PCNX2: variants seen among roughly 807,000 people sequenced by gnomAD.
PCNX2 encodes pecanex 2, also known as pecanex-like protein 2.
Under a neutral mutation model 223.8 loss-of-function variants are expected in PCNX2, and 168 were observed. That is an observed-to-expected ratio of 0.75 (90% confidence interval 0.66 to 0.85). PCNX2 has a LOEUF of 0.85. PCNX2 is among the 40% of genes least tolerant of loss of function. The probability of loss-of-function intolerance (pLI) is 0.00; values close to 1 mark genes in which losing one functional copy is unlikely to be tolerated. For synonymous variants in PCNX2, 1,006 were observed against 1,052.6 expected (o/e 0.96, Z 0.86); for missense variants, 2,507 against 2,675.5 (o/e 0.94, Z 1.39).
At chr1:233,079,801 G>A (rs1204245678) in intron 23 of PCNX2, among the ~76,000 whole-genome samples, 1 of 152,098 alleles carries the variant, frequency 6.6e-6, no homozygotes, top group African/African-American at 2.4e-5. Flanking sequence ...TTGCTTTGTG[G>A]TGCTAAAGGA....
At chr1:233,120,164 C>CAAAAAAAAAAAAAAAAAAAAAA (rs1228898502) in intron 21 of PCNX2, among the ~76,000 whole-genome samples, 4 of 42,656 alleles carry the variant, frequency 9.4e-5, no homozygotes, top group East Asian at 7.3e-4. Context: ...GACTCCATTT[C>CAAAAAAAAAAAAAAAAAAAAAA]AAAAAAAAAA....
intron 1 of PCNX2, chr1:233,292,071 A>T: frequency 1.1e-6 from 1 of 925,892 alleles, no homozygotes; most frequent in Non-Finnish European, 1.3e-6. Flanking sequence ...TATCACCCAG[A>T]TCTAAGTACA....
intron 15 of PCNX2, among the ~76,000 whole-genome samples, chr1:233,184,838 C>T (rs1399655399): frequency 6.6e-6 from 1 of 151,968 alleles, no homozygotes; most frequent in African/African-American, 2.4e-5. Context: ...CTTATTCTTC[C>T]AAGAAAAGGG....
At chr1:233,160,243 C>T (rs1199886076) in intron 19 of PCNX2, 40 bp downstream of exon 19, 1 of 1,531,732 alleles carries the variant, frequency 6.5e-7, no homozygotes. Context: ...ATACCTACCC[C>T]TCCTTTTTTT....
At chr1:233,217,044 G>T (rs1390024681) in intron 12 of PCNX2, among the ~76,000 whole-genome samples, 1 of 152,168 alleles carries the variant, frequency 6.6e-6, no homozygotes, top group Admixed American at 6.5e-5. Flanking sequence ...TAGAATGGTG[G>T]TTACCAGGAG....
intron 15 of PCNX2, among the ~76,000 whole-genome samples, chr1:233,189,185 C>A (rs1265870991): frequency 6.6e-6 from 1 of 152,110 alleles, no homozygotes; most frequent in African/African-American, 2.4e-5. Flanking sequence ...AGTCATGCAC[C>A]CTTAGGCAAG....
At chr1:232,985,612 T>G in intron 33 of PCNX2, 1 of 272,732 alleles carries the variant, frequency 3.7e-6, no homozygotes. Context: ...GAACTCTCCT[T>G]GTCTAGTATT....
rs1440206910 is a variant in PCNX2, at chr1:233,263,060, T to G, written c.257A>C (p.Asp86Ala). 5 of 1,613,758 alleles carry G rather than the reference T, an allele frequency of 3.1e-6. No homozygotes were observed. The highest frequency in any genetic ancestry group is 4.2e-6 in the Non-Finnish European group (5 of 1,179,804). The change falls in exon 2 of 34, where the codon GAC becomes GCC. Residue 86 changes from aspartate to alanine, a missense_variant. Around this residue, in one of 3 missense-constraint regions of PCNX2, gnomAD observed 1,031 missense variants for 1,021.7 expected, o/e 1.01. Coordinates refer to ENST00000258229, the MANE Select transcript of PCNX2 (RefSeq NM_014801.4). ...LVSYRLHLMF[D>A]KGEVIQQKPS... ...CTTTTGCTGAATTACTTCTCCTTTG[T>G]CAAACATGAGGTGTAGGCGATAACT...
At chr1:233,212,376 G>A (rs981367989) in intron 12 of PCNX2, among the ~76,000 whole-genome samples, 1 of 152,180 alleles carries the variant, frequency 6.6e-6, no homozygotes, top group Admixed American at 6.5e-5. Flanking sequence ...AAGGTACAAC[G>A]TCAATTTAAA....
intron 20 of PCNX2, among the ~76,000 whole-genome samples, chr1:233,136,965 G>A (rs769320637): frequency 6.6e-6 from 1 of 152,138 alleles, no homozygotes; most frequent in Admixed American, 6.5e-5. Context: ...TTTATGTTTA[G>A]TAGGGATGAC....
rs138830307 is a variant in PCNX2 at position 233,200,886 on chromosome 1, C to T, written c.2864-622G>A. Among the ~76,000 whole-genome samples the T allele has an allele frequency of 9.0e-3, 1,355 of 151,026 alleles. 22 individuals carry two copies. The highest frequency in any genetic ancestry group is 0.031 in the African/African-American group (1,289 of 41,192). On this transcript the variant is annotated intron_variant, in intron 13 of 33. Transcript: ENST00000258229. ...AAAAAAAATACAAAAATTAGCTGGG[C>T]GTGGTGGCGGGCGCCTGTAGTCCCA... is the stretch of plus-strand genomic sequence containing the variant.
chr1:233,312,850 T>C, the PCNX2 span, among the ~76,000 whole-genome samples: 1 of 152,072 alleles, frequency 6.6e-6, no homozygotes, highest in East Asian at 1.9e-4. Flanking sequence ...ATTTATATTG[T>C]TCTGGGCCAT....
chr1:233,170,946 G>A (rs1253607422), intron 17 of PCNX2, among the ~76,000 whole-genome samples: 2 of 152,152 alleles, frequency 1.3e-5, no homozygotes, highest in East Asian at 3.8e-4. Context: ...CCGAAAATCC[G>A]AAATGCAAAA....
At chr1:233,325,396 C>A in the PCNX2 span, among the ~76,000 whole-genome samples, 1 of 151,848 alleles carries the variant, frequency 6.6e-6, no homozygotes, top group Non-Finnish European at 1.5e-5. Context: ...CGATAGCTCA[C>A]ACCTGTAATC....
intron 19 of PCNX2, among the ~76,000 whole-genome samples, chr1:233,153,000 G>C (rs1418478947): frequency 2.0e-5 from 3 of 152,196 alleles, no homozygotes; most frequent in Non-Finnish European, 4.4e-5. Context: ...CTTGTCCAAG[G>C]CTGGGCCATA....
rs1365366220 is a variant in PCNX2 at position 232,998,410 on chromosome 1, G to A, written c.5632C>T (p.His1878Tyr). Residue 1878 changes from histidine to tyrosine, a missense_variant, in exon 32 of 34, where the codon CAC becomes TAC. By Grantham distance (83) the His-to-Tyr change is moderately conservative (BLOSUM62 2). Around this residue, in one of 3 missense-constraint regions of PCNX2, gnomAD observed 1,372 missense variants for 1,509.4 expected, o/e 0.91. Coordinates refer to ENST00000258229, the MANE Select transcript of PCNX2 (RefSeq NM_014801.4). ...RMRKDCNARQ[H>Y]SGGNIEDVDG... ...ACGTCTTCAATGTTGCCGCCACTGT[G>A]CTGGCGGGCATTGCAATCCTTCCGC... The A allele has an allele frequency of 6.2e-7, 1 of 1,612,540 alleles. No individual in the cohort carries two copies. Among genetic ancestry groups the A allele is most frequent in the East Asian group, 2.2e-5 (1 of 44,846 alleles).
intron 1 of PCNX2, chr1:233,294,116 GT>G: frequency 3.6e-6 from 2 of 557,918 alleles, no homozygotes; most frequent in Non-Finnish European, 4.5e-6. Flanking sequence ...TGAATGCTAA[GT>G]TTTAGAAAAG....
At chr1:233,214,606 T>C (rs1183422847) in intron 12 of PCNX2, among the ~76,000 whole-genome samples, 1 of 152,234 alleles carries the variant, frequency 6.6e-6, no homozygotes, top group African/African-American at 2.4e-5. Flanking sequence ...CTACTGAATT[T>C]TGCTTTCTGG....
chr1:233,174,646 C>CT (rs1219664638), intron 17 of PCNX2, among the ~76,000 whole-genome samples: 6 of 151,508 alleles, frequency 4.0e-5, no homozygotes, highest in Non-Finnish European at 5.9e-5. Flanking sequence ...ATTAAATAGG[C>CT]TTTTTTTTGT....
Sources: allele counts gnomAD v4.1 joint callset (sites outside exome capture counted in the v4.1 genomes callset), GRCh38; gene constraint gnomAD v4.1.1; regional missense constraint gnomAD v4.1.1; transcripts MANE v1.5; gene names NCBI Gene and HGNC (gene_info 2026-07-23, HGNC 2026-07-21).